The following AMMECR1 variants were observed in gnomAD, a reference collection of about 807,000 sequenced individuals.
AMMECR1 encodes AMMECR nuclear protein 1, also known as nuclear protein AMMECR1.
Under a neutral mutation model 22.5 loss-of-function variants are expected in AMMECR1, and 3 were observed. The observed-to-expected ratio is 0.13, with a 90% CI of 0.06 to 0.35. AMMECR1 has a LOEUF of 0.35. Among genes scored for constraint, AMMECR1 ranks in the 10% least tolerant of loss-of-function variants. The pLI, the probability that AMMECR1 is intolerant of heterozygous loss-of-function variation, is 1.00. For synonymous variants in AMMECR1, 130 were observed against 116.7 expected (o/e 1.11, Z -0.74); for missense variants, 235 against 278.7 (o/e 0.84, Z 1.12).
chrX:110,428,478 A>G (rs1293100512), intron 1 of AMMECR1, among the ~76,000 whole-genome samples: 2 of 111,672 alleles, frequency 1.8e-5, no homozygotes, highest in Non-Finnish European at 3.8e-5. Context: ...AACTGAATCA[A>G]TGATGACCTT....
chrX:110,202,666 T>C (rs1383251721), intron 3 of AMMECR1, 130 bp from the exon 4 acceptor site: 4 of 447,322 alleles, frequency 8.9e-6, no homozygotes, highest in Non-Finnish European at 1.1e-5. Flanking sequence ...ATAAGTTTTC[T>C]CTTTCCAAAG....
At chrX:110,340,744 A>C (rs1413925176) in intron 2 of AMMECR1, among the ~76,000 whole-genome samples, 1 of 112,664 alleles carries the variant, frequency 8.9e-6, no homozygotes, top group Non-Finnish European at 1.9e-5. Flanking sequence ...CACAGAAAGA[A>C]AATAATTCAA....
chrX:110,317,854 G>A lies in AMMECR1; in HGVS notation c.218C>T (p.Pro73Leu), dbSNP rs778887966. 17 of 1,172,722 alleles carry A rather than the reference G, an allele frequency of 1.4e-5. No individual in the cohort carries two copies. Among genetic ancestry groups the A allele is most frequent in the East Asian group, 1.3e-4 (4 of 31,833 alleles). Residue 73 changes from proline to leucine, a missense_variant, in exon 1 of 6, where the codon CCC (proline) becomes CTC (leucine). Transcript: ENST00000262844. The part of the protein sequence containing the change: ...GSGSGCTLSP[P>L]QGCGGGGGGI... ...CCCGCCGCCGCCGCCGCAGCCCTGG[G>A]GGGGAGAGAGGGTACAGCCGCTGCC...
At chrX:110,239,857 G>T (rs867896479) in intron 2 of AMMECR1, among the ~76,000 whole-genome samples, 1 of 111,770 alleles carries the variant, frequency 8.9e-6, no homozygotes. Flanking sequence ...TGGATCTCTC[G>T]GCAGAAACCC....
At chrX:110,241,712 T>C (rs1363460291) in intron 2 of AMMECR1, among the ~76,000 whole-genome samples, 1 of 108,107 alleles carries the variant, frequency 9.3e-6, no homozygotes, top group South Asian at 4.2e-4. Flanking sequence ...CTAATGTAGA[T>C]ACCTTGGGGG....
At chrX:110,239,696 C>G (rs960302089) in intron 2 of AMMECR1, among the ~76,000 whole-genome samples, 2 of 111,380 alleles carry the variant, frequency 1.8e-5, no homozygotes, top group Non-Finnish European at 3.8e-5. Flanking sequence ...TCAGGAAATA[C>G]AGAGACCACC....
chrX:110,372,413 G>A (rs920498139), intron 2 of AMMECR1, among the ~76,000 whole-genome samples: 4 of 112,055 alleles, frequency 3.6e-5, no homozygotes, highest in African/African-American at 1.3e-4. Context: ...GGTTTTTGTT[G>A]TGCATCCTTC....
chrX:110,372,162 A>G (rs1378188974), intron 2 of AMMECR1, among the ~76,000 whole-genome samples: 1 of 112,112 alleles, frequency 8.9e-6, no homozygotes, highest in Non-Finnish European at 1.9e-5. Context: ...ATGATTGGGA[A>G]TGAAGCCTAT....
intron 2 of AMMECR1, among the ~76,000 whole-genome samples, chrX:110,328,844 A>G (rs191895048): frequency 1.4e-4 from 16 of 111,772 alleles, no homozygotes; most frequent in African/African-American, 5.2e-4. Context: ...TATGTGTCAC[A>G]TTTTCTTTAT....
upstream of AMMECR1, chrX:110,318,214 C>T (rs2068063142): frequency 5.7e-6 from 2 of 350,858 alleles, no homozygotes; most frequent in Admixed American, 1.8e-4. Flanking sequence ...GCCCCGTCTG[C>T]CTAGCCACGC....
chrX:110,410,006 G>A (rs900174920), intron 2 of AMMECR1, among the ~76,000 whole-genome samples: 1 of 111,966 alleles, frequency 8.9e-6, no homozygotes, highest in Non-Finnish European at 1.9e-5. Flanking sequence ...CAGTAAGTCC[G>A]AGATGAGGAC....
At chrX:110,411,997 T>C (rs1298567763) in intron 2 of AMMECR1, among the ~76,000 whole-genome samples, 1 of 112,258 alleles carries the variant, frequency 8.9e-6, no homozygotes, top group Non-Finnish European at 1.9e-5. Context: ...ACTAGAAAAA[T>C]GCTCAAAGAA....
At chrX:110,329,923 C>T (rs903266569) in intron 2 of AMMECR1, among the ~76,000 whole-genome samples, 1 of 111,443 alleles carries the variant, frequency 9.0e-6, no homozygotes, top group African/African-American at 3.3e-5. Flanking sequence ...AAGTGTTTTC[C>T]GTGGGACAGT....
intron 2 of AMMECR1, among the ~76,000 whole-genome samples, chrX:110,356,650 A>G (rs2068231847): frequency 9.0e-6 from 1 of 111,451 alleles, no homozygotes; most frequent in African/African-American, 3.3e-5. Context: ...AGATCAAAAC[A>G]TCACATTGTA....
At chrX:110,372,343 G>C (rs1216570866) in intron 2 of AMMECR1, among the ~76,000 whole-genome samples, 1 of 112,373 alleles carries the variant, frequency 8.9e-6, no homozygotes, top group African/African-American at 3.2e-5. Context: ...AAAATGAAAA[G>C]AAAAAAGTAG....
chrX:110,205,803 T>C (rs759356402), intron 3 of AMMECR1, among the ~76,000 whole-genome samples: 2 of 111,639 alleles, frequency 1.8e-5, no homozygotes, highest in African/African-American at 3.2e-5. Flanking sequence ...TCAACCCCAA[T>C]GGTAGTAAAT....
chrX:110,315,977 T>C (rs2068045932), intron 1 of AMMECR1, among the ~76,000 whole-genome samples: 1 of 112,695 alleles, frequency 8.9e-6, no homozygotes, highest in Non-Finnish European at 1.9e-5. Context: ...ATGAATTGGC[T>C]AAATAAAAGT....
At chrX:110,427,563 C>CT (rs1423583529) in intron 1 of AMMECR1, among the ~76,000 whole-genome samples, 2 of 111,854 alleles carry the variant, frequency 1.8e-5, no homozygotes, top group Non-Finnish European at 3.8e-5. Flanking sequence ...ATGGAGGGAG[C>CT]TTTTAAAAGT....
chrX:110,362,569 T>C (rs1378241423), intron 2 of AMMECR1, among the ~76,000 whole-genome samples: 1 of 112,490 alleles, frequency 8.9e-6, no homozygotes, highest in Non-Finnish European at 1.9e-5. Context: ...TGATATGAGA[T>C]GATATTTTCC....
Sources: allele counts gnomAD v4.1 joint callset (sites outside exome capture counted in the v4.1 genomes callset), GRCh38; gene constraint gnomAD v4.1.1; transcripts MANE v1.5; gene names NCBI Gene and HGNC (gene_info 2026-07-23, HGNC 2026-07-21).